The following HADHB variants were observed in gnomAD, a reference collection of about 807,000 sequenced individuals.
The protein encoded by HADHB is trifunctional enzyme subunit beta, mitochondrial.
A neutral mutation model predicts 61.9 loss-of-function variants in HADHB; 50 were observed. The observed-to-expected ratio is 0.81, with a 90% confidence interval of 0.64 to 1.02. HADHB has a LOEUF of 1.02. Among genes scored for constraint, HADHB ranks in the 50% least tolerant of loss-of-function variants. The pLI is 0.00. For synonymous variants in HADHB, 191 were observed against 201.6 expected (o/e 0.95, Z 0.45); for missense variants, 504 against 586.5 (o/e 0.86, Z 1.45).
intron 1 of HADHB, among the ~76,000 whole-genome samples, chr2:26,253,853 CAAAA>C (rs1298963823): frequency 1.7e-4 from 13 of 75,684 alleles, no homozygotes; most frequent in African/African-American, 4.1e-4. Context: ...AACTCCATCT[CAAAA>C]AAATAAATAA....
At chr2:26,281,460 G>T (rs1371098641) in intron 10 of HADHB, among the ~76,000 whole-genome samples, 1 of 152,204 alleles carries the variant, frequency 6.6e-6, no homozygotes, top group African/African-American at 2.4e-5. Context: ...GTTAAGCCCA[G>T]GTGGTGAAGA....
At chr2:26,246,477 T>C (rs1297296749) in intron 1 of HADHB, among the ~76,000 whole-genome samples, 1 of 151,790 alleles carries the variant, frequency 6.6e-6, no homozygotes, top group Non-Finnish European at 1.5e-5. Context: ...GTAGCTGGGA[T>C]TACAAGCGCA....
chr2:26,272,824 C>A (rs1214054527), intron 5 of HADHB, among the ~76,000 whole-genome samples: 3 of 151,926 alleles, frequency 2.0e-5, no homozygotes, highest in African/African-American at 4.8e-5. Flanking sequence ...TGGCTTACAC[C>A]TATAATCCCA....
intron 13 of HADHB, among the ~76,000 whole-genome samples, chr2:26,284,655 C>G (rs982129011): frequency 2.6e-5 from 4 of 151,892 alleles, no homozygotes; most frequent in African/African-American, 9.7e-5. Context: ...TTAATAGAGA[C>G]AGGGTTTCAC....
intron 6 of HADHB, among the ~76,000 whole-genome samples, chr2:26,274,317 T>TC (rs1672458601): frequency 6.6e-6 from 1 of 152,240 alleles, no homozygotes; most frequent in Non-Finnish European, 1.5e-5. Flanking sequence ...TTCTAGGATG[T>TC]GTCCTACAGG....
At chr2:26,278,868 T>G in intron 8 of HADHB, 67 bp downstream of exon 8, 1 of 1,283,984 alleles carries the variant, frequency 7.8e-7, no homozygotes, top group Non-Finnish European at 1.1e-6. Context: ...GTGTGGACTC[T>G]GCTATGCTGT....
At chr2:26,256,303 C>T (rs944299594) in intron 3 of HADHB, among the ~76,000 whole-genome samples, 5 of 152,108 alleles carry the variant, frequency 3.3e-5, no homozygotes, top group African/African-American at 1.2e-4. Context: ...TTTGTTTTAA[C>T]TGGCATTCTG....
chr2:26,246,499 C>A (rs921246212), intron 1 of HADHB, among the ~76,000 whole-genome samples: 2 of 151,898 alleles, frequency 1.3e-5, no homozygotes, highest in African/African-American at 4.8e-5. Flanking sequence ...ACCACCACGC[C>A]GGGCTAATTT....
chr2:26,286,674 T>G (rs763939074), intron 15 of HADHB, among the ~76,000 whole-genome samples: 86 of 151,928 alleles, frequency 5.7e-4, no homozygotes, highest in Non-Finnish European at 8.8e-4. Context: ...GGGCAATTTT[T>G]TTTGTATTTT....
intron 3 of HADHB, among the ~76,000 whole-genome samples, chr2:26,256,581 GAC>G (rs549864058): frequency 1.5e-4 from 23 of 151,746 alleles, no homozygotes; most frequent in Admixed American, 3.3e-4. Context: ...TATAATACAT[GAC>G]ACATTTATTA....
chr2:26,272,346 CTTTTT>C (rs11340590), intron 5 of HADHB, among the ~76,000 whole-genome samples: 1 of 136,034 alleles, frequency 7.4e-6, no homozygotes. Context: ...TCCCATTTGT[CTTTTT>C]TTTTTTTTTT....
At chr2:26,273,569 A>G in intron 5 of HADHB, 82 bp from the exon 6 acceptor site, 1 of 797,586 alleles carries the variant, frequency 1.3e-6, no homozygotes, top group Admixed American at 1.8e-5. Flanking sequence ...ACCTTTTTCA[A>G]GGAGCGCAGT....
rs1382065309 is a variant in HADHB, at chr2:26,285,744, T to TTTTTTTTG, written c.1389+180_1389+181insGTTTTTTT. On this transcript the variant is annotated intron_variant, in intron 15 of 15. Coordinates refer to ENST00000317799, the MANE Select transcript of HADHB (RefSeq NM_000183.3). ...TAAAACTTTTTGTTTTTTGGGTTTT[T>TTTTTTTTG]TTTTTTTTTTTTTGAGACAGTCTTG... Among the ~76,000 whole-genome samples, 11 of 112,336 alleles carry TTTTTTTTG rather than the reference T, an allele frequency of 9.8e-5. 1 individual carries two copies. Among genetic ancestry groups the TTTTTTTTG allele is most frequent in the African/African-American group, 3.8e-4 (11 of 29,074 alleles). 73.7% of individuals were successfully genotyped at this position (112,336 alleles called of 152,430 possible).
intron 1 of HADHB, among the ~76,000 whole-genome samples, chr2:26,251,631 C>T (rs529447347): frequency 1.3e-5 from 2 of 152,318 alleles, no homozygotes; most frequent in South Asian, 4.1e-4. Flanking sequence ...TAAGTAGCTT[C>T]TGAGTGGTGC....
intron 15 of HADHB, among the ~76,000 whole-genome samples, chr2:26,288,938 G>C (rs946121611): frequency 1.3e-5 from 2 of 152,092 alleles, no homozygotes; most frequent in African/African-American, 4.8e-5. Flanking sequence ...ATAGCACTGT[G>C]CATAGTGCTG....
chr2:26,257,579 G>C (rs1298173923), intron 3 of HADHB, among the ~76,000 whole-genome samples: 1 of 152,092 alleles, frequency 6.6e-6, no homozygotes, highest in South Asian at 2.1e-4. Context: ...GGGAGGAGGA[G>C]GTGGTAAGGT....
intron 8 of HADHB, 81 bp from the exon 9 acceptor site, chr2:26,279,054 C>A (rs1672673957): frequency 8.4e-7 from 1 of 1,196,536 alleles, no homozygotes; most frequent in South Asian, 1.2e-5. Flanking sequence ...TTTAACTTTT[C>A]CAAATAACAC....
chr2:26,285,258 G>T (rs1672977937), intron 14 of HADHB, 149 bp from the exon 15 acceptor site: 1 of 691,836 alleles, frequency 1.4e-6, no homozygotes, highest in African/African-American at 1.8e-5. Flanking sequence ...TATTGACCTA[G>T]ACTTACTTTC....
At chr2:26,253,403 C>T (rs915068210) in intron 1 of HADHB, among the ~76,000 whole-genome samples, 7 of 152,154 alleles carry the variant, frequency 4.6e-5, no homozygotes, top group East Asian at 1.9e-4. Flanking sequence ...CCTTCAGATA[C>T]AAACATTCCA....
Sources: allele counts gnomAD v4.1 joint callset (sites outside exome capture counted in the v4.1 genomes callset), GRCh38; gene constraint gnomAD v4.1.1; transcripts MANE v1.5; gene names NCBI Gene and HGNC (gene_info 2026-07-23, HGNC 2026-07-21).